MOXD1: variants seen among roughly 807,000 people sequenced by gnomAD.
MOXD1 encodes the protein DBH-like monooxygenase protein 1.
Under a neutral mutation model 66.6 loss-of-function variants are expected in MOXD1, and 62 were observed. The ratio of observed to expected loss-of-function variants is 0.93; its 90% CI spans 0.76 to 1.15. The LOEUF (loss-of-function observed/expected upper bound fraction) is 1.15. Ranked by LOEUF, MOXD1 falls within the 50% of genes most tolerant of loss-of-function variation. The probability of loss-of-function intolerance (pLI) is 0.00; values close to 1 mark genes in which losing one functional copy is unlikely to be tolerated. For synonymous variants in MOXD1, 303 were observed against 281.9 expected (o/e 1.07, Z -0.75); for missense variants, 847 against 754.6 (o/e 1.12, Z -1.44).
intron 1 of MOXD1, among the ~76,000 whole-genome samples, chr6:132,385,461 A>AATTATTATTATTATTATT (rs71030795): frequency 7.5e-6 from 1 of 133,590 alleles, no homozygotes; most frequent in Non-Finnish European, 1.6e-5. Flanking sequence ...AATATACTGA[A>AATTATTATTATTATTATT]ATTATTATTA....
chr6:132,384,547 T>C (rs1776587366), intron 1 of MOXD1, among the ~76,000 whole-genome samples: 1 of 152,004 alleles, frequency 6.6e-6, no homozygotes, highest in Non-Finnish European at 1.5e-5. Flanking sequence ...AAAACAGAGA[T>C]AACAGGGGGA....
At chr6:132,378,741 A>G (rs1441616855) in intron 1 of MOXD1, among the ~76,000 whole-genome samples, 2 of 152,082 alleles carry the variant, frequency 1.3e-5, no homozygotes, top group Non-Finnish European at 2.9e-5. Context: ...TAATCTACTC[A>G]TGGGTAAAAA....
chr6:132,333,501 A>G (rs1775370419), intron 4 of MOXD1, among the ~76,000 whole-genome samples: 1 of 152,228 alleles, frequency 6.6e-6, no homozygotes, highest in Non-Finnish European at 1.5e-5. Context: ...CGAATTATTA[A>G]AGAAAGTCAT....
chr6:132,302,049 A>T (rs957502312), intron 10 of MOXD1, among the ~76,000 whole-genome samples: 2 of 152,168 alleles, frequency 1.3e-5, no homozygotes, highest in East Asian at 3.8e-4. Context: ...AGACTACTGC[A>T]GAGGAAAAAT....
intron 4 of MOXD1, among the ~76,000 whole-genome samples, chr6:132,364,924 T>C (rs1237337540): frequency 6.6e-6 from 1 of 152,172 alleles, no homozygotes; most frequent in African/African-American, 2.4e-5. Flanking sequence ...CCAGTTGCTC[T>C]GACCCTGTAG....
At chr6:132,366,602 A>G (rs1226306754) in intron 4 of MOXD1, among the ~76,000 whole-genome samples, 3 of 152,138 alleles carry the variant, frequency 2.0e-5, no homozygotes. Context: ...CCATAAAAGC[A>G]TGTAGTTTGA....
chr6:132,301,199 TATATA>T (rs1562275483), intron 10 of MOXD1, among the ~76,000 whole-genome samples: 1 of 21,570 alleles, frequency 4.6e-5, no homozygotes, highest in Non-Finnish European at 7.0e-5. Context: ...CGAATGGTAT[TATATA>T]TATATATATA....
chr6:132,296,299 A>T lies in MOXD1; in HGVS notation c.*854T>A, dbSNP rs186286994. On this transcript the variant is annotated 3_prime_UTR_variant, in exon 12 of 12. Transcript: ENST00000367963. ...CCAAAGTCAGCAAGGAACCATTCAGAACTTACACCCTCCTGGACTGGCTCA... is the reference window on the plus strand; with the variant it reads ...CCAAAGTCAGCAAGGAACCATTCAGTACTTACACCCTCCTGGACTGGCTCA... 6.6e-6 allele frequency: 1 copy of T among 152,290 alleles called. No homozygotes were observed. Among genetic ancestry groups the T allele is most frequent in the Admixed American group, 6.5e-5 (1 of 15,272 alleles). 9.4% of individuals were successfully genotyped at this position (152,290 alleles called of 1,614,324 possible).
chr6:132,386,478 C>T lies in MOXD1; in HGVS notation c.265-11701G>A, dbSNP rs569344619. On this transcript the variant is annotated intron_variant, in intron 1 of 11. Transcript: ENST00000367963. ...AAAACGGGAAAAGAGATGAAATAATCTCATAACCATTGTGATGATAATGAT... is the reference window on the plus strand; with the variant it reads ...AAAACGGGAAAAGAGATGAAATAATTTCATAACCATTGTGATGATAATGAT... Among the ~76,000 whole-genome samples, 16 of 148,588 alleles carry T rather than the reference C, an allele frequency of 1.1e-4. 1 individual carries two copies. Among genetic ancestry groups the T allele is most frequent in the Non-Finnish European group, 1.5e-4 (10 of 66,940 alleles).
intron 4 of MOXD1, among the ~76,000 whole-genome samples, chr6:132,349,489 A>ATATATATG (rs1357172393): frequency 1.2e-5 from 1 of 86,068 alleles, no homozygotes; most frequent in African/African-American, 6.3e-5. Context: ...ATACATATAT[A>ATATATATG]TATATACCAC....
intron 4 of MOXD1, among the ~76,000 whole-genome samples, chr6:132,342,417 T>C (rs1775583641): frequency 6.6e-6 from 1 of 152,270 alleles, no homozygotes; most frequent in South Asian, 2.1e-4. Context: ...CATATGTAAC[T>C]TTTTTACTGA....
chr6:132,336,212 G>A (rs974073931), intron 4 of MOXD1, among the ~76,000 whole-genome samples: 14 of 152,168 alleles, frequency 9.2e-5, no homozygotes, highest in Non-Finnish European at 8.8e-5. Context: ...TGGAAATTTT[G>A]TAAATTCCCA....
At position 132,390,138 on chromosome 6, in the gene MOXD1, C is replaced by T. The variant is rs191932156; in HGVS notation, c.264+11025G>A. On this transcript the variant is annotated intron_variant, in intron 1 of 11. Transcript: ENST00000367963. ...GACTCTAGCTGAGCTTACTAAACAT[C>T]TGTGTAACAATGCCACAGAAATAGA... Among the ~76,000 whole-genome samples, 4 of 151,588 alleles carry T rather than the reference C, an allele frequency of 2.6e-5. 1 individual carries two copies. Among genetic ancestry groups the T allele is most frequent in the Non-Finnish European group, 4.4e-5 (3 of 67,736 alleles).
intron 4 of MOXD1, among the ~76,000 whole-genome samples, chr6:132,333,413 C>T (rs1047084481): frequency 2.0e-5 from 3 of 150,796 alleles, no homozygotes; most frequent in African/African-American, 7.4e-5. Context: ...ATTCTGGTTA[C>T]TTCACACATT....
intron 10 of MOXD1, among the ~76,000 whole-genome samples, chr6:132,307,602 C>T (rs778029482): frequency 1.1e-4 from 17 of 152,100 alleles, no homozygotes; most frequent in African/African-American, 1.7e-4. Context: ...ATTCTAAAAT[C>T]GACCACATAA....
At chr6:132,328,323 A>T in intron 5 of MOXD1, 92 bp downstream of exon 5, 1 of 1,491,110 alleles carries the variant, frequency 6.7e-7, no homozygotes, top group Non-Finnish European at 9.1e-7. Context: ...AGTAGCGTTA[A>T]AGCTTTACTT....
At chr6:132,306,130 A>T (rs760162859) in intron 10 of MOXD1, among the ~76,000 whole-genome samples, 9 of 152,120 alleles carry the variant, frequency 5.9e-5, no homozygotes, top group Non-Finnish European at 1.3e-4. Context: ...AAGGTTGAGG[A>T]ACTGCTAACA....
At chr6:132,358,491 T>C (rs1775950640) in intron 4 of MOXD1, among the ~76,000 whole-genome samples, 1 of 152,220 alleles carries the variant, frequency 6.6e-6, no homozygotes, top group Non-Finnish European at 1.5e-5. Context: ...CAGTGTTTGG[T>C]ACATGATGAG....
intron 10 of MOXD1, among the ~76,000 whole-genome samples, chr6:132,303,443 A>C (rs1774586616): frequency 6.6e-6 from 1 of 151,994 alleles, no homozygotes; most frequent in Non-Finnish European, 1.5e-5. Context: ...CTTATATAAA[A>C]TGGTGTAGTA....
Sources: gnomAD v4.1 joint callset for allele counts (sites outside exome capture counted in the v4.1 genomes callset) on GRCh38, gnomAD v4.1.1 for gene constraint, MANE v1.5 for transcripts, NCBI Gene and HGNC (gene_info 2026-07-23, HGNC 2026-07-21) for gene names.